Variants in KIF27 observed in about 807,000 individuals in gnomAD.
The protein encoded by KIF27 is kinesin-like protein KIF27.
In KIF27, 84 loss-of-function variants were observed where a neutral mutation model predicts 141.8. That is an observed-to-expected ratio of 0.59 (90% CI 0.50 to 0.71). The LOEUF (loss-of-function observed/expected upper bound fraction) is 0.71. Ranked by LOEUF, KIF27 falls within the 30% of genes least tolerant of loss-of-function variation. The pLI is 0.00. For missense variants in KIF27, 1,306 were observed against 1,628.4 expected, an observed-to-expected ratio of 0.80 and a Z score of 3.41; for synonymous variants, 471 against 569.5, an observed-to-expected ratio of 0.83 and a Z score of 2.46.
chr9:83,876,253 A>G (rs1044972152), intron 11 of KIF27, among the ~76,000 whole-genome samples: 8 of 152,306 alleles, frequency 5.3e-5, no homozygotes, highest in South Asian at 2.1e-4. Context: ...AGCTGCAATT[A>G]AACTCATACT....
At chr9:83,881,744 T>C (rs62564762) in intron 10 of KIF27, among the ~76,000 whole-genome samples, 26,653 of 152,222 alleles carry the variant, frequency 0.18, 2,909 homozygotes, top group Non-Finnish European at 0.24. Context: ...CACTTACAAT[T>C]GACAGTAATT....
At chr9:83,852,468 AG>A (rs1373239572) in intron 15 of KIF27, among the ~76,000 whole-genome samples, 1 of 151,438 alleles carries the variant, frequency 6.6e-6, no homozygotes, top group Non-Finnish European at 1.5e-5. Context: ...AAAAAAAAAA[AG>A]TTATCTATGT....
intron 11 of KIF27, among the ~76,000 whole-genome samples, chr9:83,879,672 T>C (rs1358268199): frequency 6.6e-6 from 1 of 152,040 alleles, no homozygotes; most frequent in Non-Finnish European, 1.5e-5. Flanking sequence ...CCATTTTAGA[T>C]GAGAATAAAC....
chr9:83,859,172 C>T lies in KIF27; in HGVS notation c.3134G>A (p.Arg1045Lys). The T allele has an allele frequency of 1.2e-6, 2 of 1,612,718 alleles. No homozygotes were observed. The highest frequency in any genetic ancestry group is 2.2e-5 in the South Asian group (2 of 91,062). Residue 1045 changes from arginine (R) to lysine (K), a missense_variant, in exon 14 of 18, where the codon AGA becomes AAA. Transcript: ENST00000297814. The stretch of plus-strand genomic sequence containing the variant: ...CTGACTTACTTCAGGTGATAACACT[C>T]TACCATTTTTAAGTTTTTCATCCAC... Reference protein sequence around the residue: ...HNVDEKLKNGRVLSPEEEHVL... With the variant: ...HNVDEKLKNGKVLSPEEEHVL...
intron 17 of KIF27, among the ~76,000 whole-genome samples, chr9:83,839,938 C>G (rs1039939030): frequency 5.3e-5 from 8 of 152,124 alleles, no homozygotes; most frequent in African/African-American, 1.9e-4. Context: ...AGTGAAACTC[C>G]ATTCAAAAAC....
chr9:83,911,811 G>C (rs564060411), intron 2 of KIF27, among the ~76,000 whole-genome samples: 3 of 152,128 alleles, frequency 2.0e-5, no homozygotes, highest in African/African-American at 7.2e-5. Context: ...GATTACAGAA[G>C]TGAGCCACCA....
intron 16 of KIF27, chr9:83,849,544 A>G (rs1948290897): frequency 2.6e-5 from 4 of 154,544 alleles, no homozygotes; most frequent in Admixed American, 2.6e-4. Context: ...GATCACTCTC[A>G]AGAGTTTTCT....
At chr9:83,843,647 C>T (rs1946849377) in intron 16 of KIF27, among the ~76,000 whole-genome samples, 1 of 152,056 alleles carries the variant, frequency 6.6e-6, no homozygotes, top group Non-Finnish European at 1.5e-5. Flanking sequence ...AATTTTATGT[C>T]CGATATTCAG....
chr9:83,891,178 A>G, intron 6 of KIF27, 117 bp downstream of exon 6: 1 of 737,816 alleles, frequency 1.4e-6, no homozygotes. Context: ...GGTATACACA[A>G]AATTCCATAA....
At chr9:83,862,787 T>C (rs553598032) in intron 13 of KIF27, among the ~76,000 whole-genome samples, 181 of 152,330 alleles carry the variant, frequency 1.2e-3, no homozygotes, top group African/African-American at 4.1e-3. Flanking sequence ...TTTCACGATA[T>C]TGATTCTTCC....
At chr9:83,860,870 G>C (rs1388067230) in intron 13 of KIF27, among the ~76,000 whole-genome samples, 1 of 149,736 alleles carries the variant, frequency 6.7e-6, no homozygotes, top group Non-Finnish European at 1.5e-5. Flanking sequence ...TCCCTGGATA[G>C]GCTTGATGGG....
At chr9:83,911,363 T>A (rs1955144079) in intron 2 of KIF27, among the ~76,000 whole-genome samples, 2 of 152,150 alleles carry the variant, frequency 1.3e-5, no homozygotes, top group South Asian at 4.1e-4. Context: ...CCTGAGTAGC[T>A]GGCACTACAG....
chr9:83,880,378 C>T lies in KIF27; in HGVS notation c.2562G>A (p.Gln854=). Residue 854 remains glutamine, a synonymous_variant, in exon 11 of 18, where the codon CAG becomes CAA. Transcript: ENST00000297814. ...TTTCTTCTCGTAGTTTTCTTTGTAGCTGTATCTTTTGATATTTCATGTGAT... is the reference window on the plus strand; with the variant it reads ...TTTCTTCTCGTAGTTTTCTTTGTAGTTGTATCTTTTGATATTTCATGTGAT... The part of the protein sequence containing the change: ...SVDHMKYQKI[Q]LQRKLREENE... 6.4e-7 allele frequency: 1 copy of T among 1,566,520 alleles called. No individual in the cohort carries two copies. The highest frequency in any genetic ancestry group is 8.7e-7 in the Non-Finnish European group (1 of 1,154,394).
rs550040940 is a variant in KIF27, at chr9:83,889,001, T to A, written c.1979+83A>T. The A allele has an allele frequency of 4.1e-6, 6 of 1,448,596 alleles. No individual in the cohort carries two copies. In the Admixed American group the frequency reaches 7.3e-5, roughly 18 times the overall value. 89.7% of individuals were successfully genotyped at this position (1,448,596 alleles called of 1,614,324 possible). On this transcript the variant is annotated intron_variant, in intron 7 of 17. Coordinates refer to ENST00000297814, the MANE Select transcript of KIF27 (RefSeq NM_017576.4). ...CTTCTATTAAACATAAAAGATATAC[T>A]CCAATGGAAAAAACCTACACTTCTA...
chr9:83,920,113 C>A (rs1956110534), intron 1 of KIF27, among the ~76,000 whole-genome samples: 1 of 152,060 alleles, frequency 6.6e-6, no homozygotes, highest in African/African-American at 2.4e-5. Context: ...CACCTGTAGT[C>A]CCAGCTACTT....
chr9:83,902,382 G>A (rs1030726204), intron 4 of KIF27, among the ~76,000 whole-genome samples: 1 of 152,198 alleles, frequency 6.6e-6, no homozygotes, highest in Non-Finnish European at 1.5e-5. Flanking sequence ...CAAGCAAGCA[G>A]TAACTAGGTG....
At chr9:83,917,831 A>G (rs1172951489) in intron 1 of KIF27, among the ~76,000 whole-genome samples, 1 of 152,224 alleles carries the variant, frequency 6.6e-6, no homozygotes, top group Non-Finnish European at 1.5e-5. Context: ...ATAAGAAGTA[A>G]AACTACAAAA....
intron 6 of KIF27, among the ~76,000 whole-genome samples, chr9:83,890,328 T>C (rs568602710): frequency 1.3e-5 from 2 of 152,034 alleles, no homozygotes; most frequent in East Asian, 3.9e-4. Context: ...CCCAATGGGG[T>C]ATGAGGGAGG....
rs1564273701 is a variant in KIF27, at chr9:83,844,347, G to GATAGCTATATATATTTATATAGATATCT, written c.3557-1947_3557-1946insAGATATCTATATAAATATATATAGCTAT. On this transcript the variant is annotated intron_variant, in intron 16 of 17. Coordinates refer to ENST00000297814, the MANE Select transcript of KIF27 (RefSeq NM_017576.4). ...ATAGATAGCTATATATATTTATATA[G>GATAGCTATATATATTTATATAGATATCT]ATATCTATATCTATATCTATATCTA... is the stretch of plus-strand genomic sequence containing the variant. Among the ~76,000 whole-genome samples the GATAGCTATATATATTTATATAGATATCT allele has an allele frequency of 6.5e-3, 972 of 149,812 alleles. 13 individuals are homozygous for GATAGCTATATATATTTATATAGATATCT. The highest frequency in any genetic ancestry group is 0.023 in the African/African-American group (928 of 40,358).
Sources: gnomAD v4.1 joint callset for allele counts (sites outside exome capture counted in the v4.1 genomes callset) on GRCh38, gnomAD v4.1.1 for gene constraint, MANE v1.5 for transcripts, NCBI Gene and HGNC (gene_info 2026-07-23, HGNC 2026-07-21) for gene names.